The following ZFHX3 variants were observed in gnomAD, a reference collection of about 807,000 sequenced individuals.
The protein encoded by ZFHX3 is zinc finger homeobox 3.
A neutral mutation model predicts 279.1 loss-of-function variants in ZFHX3; 42 were observed. The observed-to-expected ratio is 0.15, with a 90% confidence interval of 0.12 to 0.19. The LOEUF (loss-of-function observed/expected upper bound fraction) is 0.19, where lower values mean the gene tolerates loss of function less well. ZFHX3 is among the 10% of genes least tolerant of loss of function. The pLI is 1.00. For synonymous variants in ZFHX3, 2,293 were observed against 1,957.8 expected, an observed-to-expected ratio of 1.17 and a Z score of -4.52; for missense variants, 4,981 against 4,754.0, an observed-to-expected ratio of 1.05 and a Z score of -1.40.
intron 1 of ZFHX3, among the ~76,000 whole-genome samples, chr16:73,834,786 G>A (rs976765079): frequency 1.3e-5 from 2 of 152,216 alleles, no homozygotes; most frequent in Admixed American, 1.3e-4. Context: ...AGCTACTCAT[G>A]TCACTGAGGC....
At chr16:73,593,580 G>A (rs1277378295) in intron 2 of ZFHX3, among the ~76,000 whole-genome samples, 1 of 144,494 alleles carries the variant, frequency 6.9e-6, no homozygotes, top group African/African-American at 2.5e-5. Flanking sequence ...AGAAAAGAAG[G>A]AGGGAGGGAG....
In ZFHX3 at chr16:73,473,757, G is replaced by A. The variant is rs540556713; in HGVS notation, c.-1546-17499C>T. Among the ~76,000 whole-genome samples, 9 of 152,214 alleles carry A rather than the reference G, an allele frequency of 5.9e-5. No individual in the cohort carries two copies. In the South Asian group the frequency reaches 1.9e-3, roughly 32 times the overall value. On this transcript the variant is annotated intron_variant, in intron 2 of 17. Coordinates refer to the ZFHX3 transcript ENST00000641206. ...TGCTAAAACAAACACAAATTGAACT[G>A]GTTTTCCCATCTGTTTCTTTAACAA...
intron 7 of ZFHX3, among the ~76,000 whole-genome samples, chr16:73,128,155 A>G (rs1053809115): frequency 6.6e-6 from 1 of 152,112 alleles, no homozygotes; most frequent in Admixed American, 6.5e-5. Flanking sequence ...ACCCAGCATA[A>G]CTGAACTTTT....
intron 3 of ZFHX3, among the ~76,000 whole-genome samples, chr16:73,384,237 T>C (rs1404141413): frequency 6.6e-6 from 1 of 152,230 alleles, no homozygotes; most frequent in African/African-American, 2.4e-5. Flanking sequence ...TGTGTTTACA[T>C]ATAGTCTATG....
At chr16:72,801,925 A>G (rs2036113800) in intron 7 of ZFHX3, among the ~76,000 whole-genome samples, 1 of 151,890 alleles carries the variant, frequency 6.6e-6, no homozygotes, top group African/African-American at 2.4e-5. Flanking sequence ...AGGGAAAGGA[A>G]AAAAGACTCC....
intron 2 of ZFHX3, among the ~76,000 whole-genome samples, chr16:73,644,519 G>C (rs1268220427): frequency 1.3e-5 from 2 of 151,984 alleles, no homozygotes; most frequent in Non-Finnish European, 2.9e-5. Flanking sequence ...AAATTAGCTG[G>C]GCCTGGTGGC....
At chr16:72,960,619 G>T (rs909914423) in intron 1 of ZFHX3, among the ~76,000 whole-genome samples, 3 of 152,302 alleles carry the variant, frequency 2.0e-5, no homozygotes, top group African/African-American at 7.2e-5. Flanking sequence ...AGTCAGCCCC[G>T]ACTCCGCGCA....
At chr16:72,918,508 C>G (rs1282340559) in intron 3 of ZFHX3, among the ~76,000 whole-genome samples, 2 of 152,090 alleles carry the variant, frequency 1.3e-5, no homozygotes, top group Non-Finnish European at 2.9e-5. Context: ...ATCATCATAT[C>G]ACAAGGAAGA....
chr16:73,752,328 T>C (rs752577775), intron 1 of ZFHX3, among the ~76,000 whole-genome samples: 6 of 152,238 alleles, frequency 3.9e-5, no homozygotes, highest in Middle Eastern at 3.4e-3. Context: ...ACTGTCCCAG[T>C]CTTTTGGCTG....
At chr16:73,143,876 T>C (rs1046123948) in intron 5 of ZFHX3, 10 of 951,528 alleles carry the variant, frequency 1.1e-5, no homozygotes, top group Non-Finnish European at 1.5e-5. Context: ...GGGAGATGTT[T>C]GGCAAACCTT....
intron 2 of ZFHX3, among the ~76,000 whole-genome samples, chr16:73,679,318 T>C (rs2052986789): frequency 6.6e-6 from 1 of 152,162 alleles, no homozygotes; most frequent in African/African-American, 2.4e-5. Flanking sequence ...TATATTTCTA[T>C]GGCCATACAA....
At chr16:73,756,811 T>C (rs2053814486) in intron 1 of ZFHX3, among the ~76,000 whole-genome samples, 2 of 151,622 alleles carry the variant, frequency 1.3e-5, no homozygotes, top group Admixed American at 1.3e-4. Flanking sequence ...GTGTGTATTA[T>C]TTATGATCTT....
chr16:72,966,118 C>T (rs578147629), intron 1 of ZFHX3, among the ~76,000 whole-genome samples: 75 of 152,272 alleles, frequency 4.9e-4, no homozygotes, highest in African/African-American at 1.6e-3. Flanking sequence ...TCTCGGGACA[C>T]GCCAACAAGG....
In ZFHX3 at chr16:73,682,864, A is replaced by AAGAG. The variant is rs1370243801; in HGVS notation, c.-1607-2625_-1607-2624insCTCT. ...AGAAAAAAAGAAAGAGAAAGAAAGAAAGAAAGAAAGAAAGAAAGAAAGAAA... is the reference window on the plus strand; with the variant it reads ...AGAAAAAAAGAAAGAGAAAGAAAGAAAGAGAGAAAGAAAGAAAGAAAGAAAGAAA... On this transcript the variant is annotated intron_variant, in intron 1 of 17. Transcript: ENST00000641206. 3.9e-4 allele frequency among the ~76,000 whole-genome samples: 11 copies of AAGAG among 28,032 alleles called. No individual in the cohort carries two copies. In the East Asian group the frequency reaches 0.051, roughly 129 times the overall value. The allele number at this position is 28,032 out of a possible 152,430, so 18.4% of individuals were successfully genotyped here.
intron 5 of ZFHX3, among the ~76,000 whole-genome samples, chr16:73,163,896 A>G (rs1967300093): frequency 1.3e-5 from 2 of 152,236 alleles, no homozygotes; most frequent in African/African-American, 4.8e-5. Flanking sequence ...TAATAACATT[A>G]TATTTCCAAA....
At chr16:73,322,368 C>T (rs1238650608) in intron 3 of ZFHX3, among the ~76,000 whole-genome samples, 1 of 152,038 alleles carries the variant, frequency 6.6e-6, no homozygotes, top group Non-Finnish European at 1.5e-5. Context: ...TTAAATGTGC[C>T]ATAACAGAAT....
chr16:73,729,416 C>G (rs188871716), intron 1 of ZFHX3, among the ~76,000 whole-genome samples: 1 of 152,160 alleles, frequency 6.6e-6, no homozygotes, highest in East Asian at 1.9e-4. Context: ...GTAATCTCAG[C>G]TACTTGGGAG....
At chr16:73,143,852 C>A in intron 5 of ZFHX3, 1 of 1,195,072 alleles carries the variant, frequency 8.4e-7, no homozygotes, top group Non-Finnish European at 1.1e-6. Flanking sequence ...AAAGAAAGGA[C>A]AAAAACACGG....
chr16:72,916,644 C>A (rs1281884657), intron 3 of ZFHX3, among the ~76,000 whole-genome samples: 1 of 151,992 alleles, frequency 6.6e-6, no homozygotes, highest in African/African-American at 2.4e-5. Flanking sequence ...TGTATGGCCC[C>A]AAGAAAAGGC....
Sources: allele counts gnomAD v4.1 joint callset (sites outside exome capture counted in the v4.1 genomes callset), GRCh38; gene constraint gnomAD v4.1.1; transcripts MANE v1.5; gene names NCBI Gene and HGNC (gene_info 2026-07-23, HGNC 2026-07-21).